Variants in KAZN observed in about 807,000 individuals in gnomAD.
KAZN encodes the protein kazrin, periplakin interacting protein.
A neutral mutation model predicts 87.4 loss-of-function variants in KAZN; 40 were observed. The ratio of observed to expected loss-of-function variants is 0.46; its 90% confidence interval spans 0.36 to 0.60. KAZN has a LOEUF of 0.60. Among genes scored for constraint, KAZN ranks in the 20% least tolerant of loss-of-function variants. The pLI, the probability that KAZN is intolerant of heterozygous loss-of-function variation, is 0.00. For missense variants in KAZN, 898 were observed against 1,073.9 expected (o/e 0.84, Z 2.29); for synonymous variants, 466 against 458.3 (o/e 1.02, Z -0.22).
At chr1:15,007,287 A>G (rs1329040772) in intron 2 of KAZN, among the ~76,000 whole-genome samples, 2 of 152,320 alleles carry the variant, frequency 1.3e-5, no homozygotes, top group Middle Eastern at 3.4e-3. Context: ...CTGGAATATT[A>G]TGGGTATGAT....
intron 2 of KAZN, among the ~76,000 whole-genome samples, chr1:14,200,545 GCC>G (rs1166322383): frequency 2.0e-5 from 3 of 152,130 alleles, no homozygotes; most frequent in Non-Finnish European, 4.4e-5. Flanking sequence ...TTTGGATTGA[GCC>G]CAGTTTGTTT....
At chr1:14,081,333 G>A (rs1228611055) in intron 1 of KAZN, among the ~76,000 whole-genome samples, 2 of 151,888 alleles carry the variant, frequency 1.3e-5, no homozygotes, top group Admixed American at 6.6e-5. Context: ...ATGACCACTC[G>A]GTACCACCCT....
chr1:15,070,787 G>C (rs576395875), intron 8 of KAZN, among the ~76,000 whole-genome samples: 1 of 152,322 alleles, frequency 6.6e-6, no homozygotes, highest in South Asian at 2.1e-4. Flanking sequence ...GCTGCAATGA[G>C]CCGAGATCGA....
chr1:14,717,852 C>T (rs1642879475), intron 1 of KAZN, among the ~76,000 whole-genome samples: 1 of 152,206 alleles, frequency 6.6e-6, no homozygotes, highest in African/African-American at 2.4e-5. Flanking sequence ...TGTGGATGCG[C>T]TTCCACTGCA....
At chr1:14,554,037 T>C (rs1164963043) in intron 2 of KAZN, among the ~76,000 whole-genome samples, 1 of 152,138 alleles carries the variant, frequency 6.6e-6, no homozygotes, top group Admixed American at 6.5e-5. Context: ...GGAACAAGGC[T>C]ACTGGAGCCA....
chr1:13,977,498 G>T (rs918695340), intron 1 of KAZN, among the ~76,000 whole-genome samples: 2 of 152,158 alleles, frequency 1.3e-5, no homozygotes, highest in Admixed American at 6.5e-5. Flanking sequence ...GTCAAAGAGT[G>T]GGGGAAATAA....
At chr1:14,883,506 T>C in intron 1 of KAZN, among the ~76,000 whole-genome samples, 1 of 146,754 alleles carries the variant, frequency 6.8e-6, no homozygotes, top group African/African-American at 2.7e-5. Context: ...TCCCACCTTT[T>C]TCAAAGGTGA....
chr1:14,681,196 C>T (rs558783702), intron 1 of KAZN, among the ~76,000 whole-genome samples: 4 of 152,318 alleles, frequency 2.6e-5, no homozygotes, highest in African/African-American at 9.6e-5. Flanking sequence ...GGTTACATCG[C>T]AACATGAGGT....
At chr1:14,378,906 G>T (rs1366177144) in intron 2 of KAZN, among the ~76,000 whole-genome samples, 2 of 151,820 alleles carry the variant, frequency 1.3e-5, no homozygotes, top group Non-Finnish European at 2.9e-5. Flanking sequence ...TAAGACAACA[G>T]CTGGGACAGC....
chr1:15,069,518 C>T (rs1639412691), intron 8 of KAZN, among the ~76,000 whole-genome samples: 1 of 152,182 alleles, frequency 6.6e-6, no homozygotes, highest in Non-Finnish European at 1.5e-5. Context: ...GAATCTTCTC[C>T]AGGGAAGCTG....
chr1:14,403,932 C>A (rs924063173), intron 2 of KAZN, among the ~76,000 whole-genome samples: 1 of 78,612 alleles, frequency 1.3e-5, no homozygotes, highest in Non-Finnish European at 2.7e-5. Flanking sequence ...GAGGTCTCTG[C>A]GCAGAGAGGT....
chr1:14,803,640 A>C (rs966004051), intron 1 of KAZN, among the ~76,000 whole-genome samples: 1 of 152,242 alleles, frequency 6.6e-6, no homozygotes, highest in Non-Finnish European at 1.5e-5. Flanking sequence ...CAGAGCCACA[A>C]GTGGGCCCCC....
chr1:14,022,871 G>T (rs1029624459), intron 1 of KAZN, among the ~76,000 whole-genome samples: 2 of 152,094 alleles, frequency 1.3e-5, no homozygotes, highest in Admixed American at 6.5e-5. Context: ...GACTGGCCTG[G>T]GTTTAAACCC....
At chr1:14,953,305 G>A (rs1391240822) in intron 1 of KAZN, among the ~76,000 whole-genome samples, 2 of 152,254 alleles carry the variant, frequency 1.3e-5, no homozygotes, top group Non-Finnish European at 2.9e-5. Context: ...GCCAAGCCTG[G>A]TTGCCACCTG....
chr1:14,010,282 T>C (rs1640233069), intron 1 of KAZN, among the ~76,000 whole-genome samples: 1 of 152,246 alleles, frequency 6.6e-6, no homozygotes, highest in Non-Finnish European at 1.5e-5. Context: ...TGCTGTACTT[T>C]GGTCTTACTA....
intron 2 of KAZN, among the ~76,000 whole-genome samples, chr1:14,353,064 T>C (rs1177700840): frequency 1.3e-5 from 2 of 152,124 alleles, no homozygotes; most frequent in Non-Finnish European, 2.9e-5. Context: ...ACTCCTTATG[T>C]TGAAATATTG....
chr1:14,965,466 C>G (rs1200160598), intron 2 of KAZN, among the ~76,000 whole-genome samples: 1 of 152,242 alleles, frequency 6.6e-6, no homozygotes, highest in Non-Finnish European at 1.5e-5. Flanking sequence ...CAAGGCAGCA[C>G]AGAAACAATG....
At chr1:14,180,107 C>T (rs1166339266) in intron 1 of KAZN, among the ~76,000 whole-genome samples, 1 of 152,034 alleles carries the variant, frequency 6.6e-6, no homozygotes, top group Non-Finnish European at 1.5e-5. Context: ...AAGTCATATT[C>T]ATGTATCTAT....
At chr1:14,028,107 T>C (rs1641158643) in intron 1 of KAZN, among the ~76,000 whole-genome samples, 1 of 152,244 alleles carries the variant, frequency 6.6e-6, no homozygotes, top group Non-Finnish European at 1.5e-5. Context: ...GAGTAGCTTC[T>C]GTCCCCCCAA....
Sources: allele counts gnomAD v4.1 joint callset (sites outside exome capture counted in the v4.1 genomes callset), GRCh38; gene constraint gnomAD v4.1.1; transcripts MANE v1.5; gene names NCBI Gene and HGNC (gene_info 2026-07-23, HGNC 2026-07-21).